Variants in LARGE1 observed in about 807,000 individuals in gnomAD.
LARGE1 encodes LARGE xylosyl- and glucuronyltransferase 1.
In LARGE1, 43 loss-of-function variants were observed where a neutral mutation model predicts 87.6. The observed-to-expected ratio is 0.49, with a 90% confidence interval of 0.38 to 0.63. The LOEUF is 0.63. LARGE1 is among the 30% of genes least tolerant of loss of function. LARGE1 has a pLI of 0.00. For missense variants in LARGE1, 802 were observed against 1,000.2 expected, an observed-to-expected ratio of 0.80 and a Z score of 2.67; for synonymous variants, 434 against 394.6, an observed-to-expected ratio of 1.10 and a Z score of -1.18.
intron 12 of LARGE1, among the ~76,000 whole-genome samples, chr22:33,291,548 G>C (rs921560355): frequency 3.3e-5 from 5 of 151,396 alleles, no homozygotes; most frequent in Admixed American, 6.6e-5. Context: ...CCTTATGGGA[G>C]GTGTTTAGGT....
intron 11 of LARGE1, among the ~76,000 whole-genome samples, chr22:33,248,148 CAG>C (rs1926850407): frequency 6.6e-6 from 1 of 152,004 alleles, no homozygotes; most frequent in Non-Finnish European, 1.5e-5. Flanking sequence ...GAGAAAGATA[CAG>C]AGAGTTTCCA....
chr22:33,595,398 TG>T (rs1366852822), intron 5 of LARGE1, among the ~76,000 whole-genome samples: 2 of 152,086 alleles, frequency 1.3e-5, no homozygotes, highest in African/African-American at 4.8e-5. Context: ...TAGCTCAAGG[TG>T]GGGCATGTCA....
At chr22:33,555,935 A>AC (rs1295275882) in intron 6 of LARGE1, among the ~76,000 whole-genome samples, 2 of 151,382 alleles carry the variant, frequency 1.3e-5, no homozygotes, top group Non-Finnish European at 2.9e-5. Context: ...CATCTCAAAA[A>AC]AAAAAAAAAA....
intron 11 of LARGE1, among the ~76,000 whole-genome samples, chr22:33,246,386 C>G (rs554012236): frequency 2.0e-5 from 3 of 152,174 alleles, no homozygotes; most frequent in Non-Finnish European, 4.4e-5. Context: ...TGGCTCACCC[C>G]TTTAATCCTA....
chr22:33,888,125 C>G (rs1176544629), intron 1 of LARGE1, among the ~76,000 whole-genome samples: 2 of 152,122 alleles, frequency 1.3e-5, no homozygotes, highest in Non-Finnish European at 2.9e-5. Flanking sequence ...TCTCTTTCTT[C>G]AATTGAAGAG....
At chr22:33,887,261 T>G (rs1335133502) in intron 1 of LARGE1, among the ~76,000 whole-genome samples, 1 of 152,156 alleles carries the variant, frequency 6.6e-6, no homozygotes, top group African/African-American at 2.4e-5. Flanking sequence ...GGTGGAGCCC[T>G]CGAGAATAGG....
intron 11 of LARGE1, among the ~76,000 whole-genome samples, chr22:33,266,618 A>G (rs1159106869): frequency 4.6e-5 from 7 of 151,858 alleles, no homozygotes; most frequent in Middle Eastern, 3.4e-3. Context: ...ATTAAATAAG[A>G]AAATGTATAT....
intron 2 of LARGE1, among the ~76,000 whole-genome samples, chr22:33,709,395 C>A (rs1008550672): frequency 6.6e-6 from 1 of 152,094 alleles, no homozygotes; most frequent in East Asian, 1.9e-4. Context: ...AAGGAACTTA[C>A]CAGAGGGTCA....
At chr22:33,378,293 A>C (rs1031812183) in intron 9 of LARGE1, among the ~76,000 whole-genome samples, 4 of 152,224 alleles carry the variant, frequency 2.6e-5, no homozygotes, top group African/African-American at 9.6e-5. Flanking sequence ...GGCTTAAAAT[A>C]AAATCTCAGA....
chr22:33,782,969 G>A (rs2085474004), intron 1 of LARGE1, among the ~76,000 whole-genome samples: 2 of 151,354 alleles, frequency 1.3e-5, no homozygotes, highest in South Asian at 4.2e-4. Flanking sequence ...TTTCCAGACC[G>A]TAGCGTGTCA....
intron 6 of LARGE1, among the ~76,000 whole-genome samples, chr22:33,531,990 A>G (rs2072228842): frequency 6.6e-6 from 1 of 152,250 alleles, no homozygotes; most frequent in South Asian, 2.1e-4. Context: ...GAGTGCCTAG[A>G]TGATCTAGAA....
chr22:33,352,557 C>T (rs368496892), intron 9 of LARGE1, among the ~76,000 whole-genome samples: 62 of 152,100 alleles, frequency 4.1e-4, no homozygotes, highest in Middle Eastern at 3.4e-3. Context: ...AGTTTAAGAC[C>T]AGCCTGGCCA....
At chr22:33,075,046 A>G in the LARGE1 span, among the ~76,000 whole-genome samples, 1 of 152,306 alleles carries the variant, frequency 6.6e-6, no homozygotes, top group African/African-American at 2.4e-5. Context: ...GAGTGTTGGA[A>G]CCAAGATTTA....
chr22:33,758,134 C>A (rs367778869), intron 2 of LARGE1, among the ~76,000 whole-genome samples: 1 of 152,198 alleles, frequency 6.6e-6, no homozygotes, highest in Non-Finnish European at 1.5e-5. Context: ...CTCCTTGCCA[C>A]GTCCCTCCAT....
intron 1 of LARGE1, among the ~76,000 whole-genome samples, chr22:33,784,386 T>A (rs150565671): frequency 8.3e-4 from 127 of 152,306 alleles, no homozygotes; most frequent in African/African-American, 3.0e-3. Context: ...CAGTAAATGA[T>A]GGAACAAAAA....
the LARGE1 span, among the ~76,000 whole-genome samples, chr22:33,089,400 T>TTC: frequency 1.6e-5 from 2 of 128,696 alleles, no homozygotes; most frequent in Non-Finnish European, 3.2e-5. Context: ...CTTCTTCTTC[T>TTC]TTCTTCTTCT....
chr22:33,717,992 A>C (rs1045194394), intron 2 of LARGE1, among the ~76,000 whole-genome samples: 5 of 152,172 alleles, frequency 3.3e-5, no homozygotes, highest in African/African-American at 1.2e-4. Flanking sequence ...TTCCCTTTCT[A>C]ATCTCCAGGT....
chr22:33,353,528 G>A (rs774660327), intron 9 of LARGE1, among the ~76,000 whole-genome samples: 10 of 152,116 alleles, frequency 6.6e-5, no homozygotes, highest in African/African-American at 2.2e-4. Context: ...CTGAAGGATG[G>A]AAGCAACTAG....
intron 10 of LARGE1, among the ~76,000 whole-genome samples, chr22:33,322,207 C>T (rs868295699): frequency 7.2e-5 from 11 of 152,194 alleles, no homozygotes; most frequent in Non-Finnish European, 1.3e-4. Flanking sequence ...GAACCACTTT[C>T]TAAAAAGCAT....
Sources: gnomAD v4.1 joint callset for allele counts (sites outside exome capture counted in the v4.1 genomes callset) on GRCh38, gnomAD v4.1.1 for gene constraint, MANE v1.5 for transcripts, NCBI Gene and HGNC (gene_info 2026-07-23, HGNC 2026-07-21) for gene names.